EPHB6: variants seen among roughly 807,000 people sequenced by gnomAD.
The protein encoded by EPHB6 is EPH receptor B6, also known as ephrin type-B receptor 6.
In EPHB6, 51 loss-of-function variants were observed where a neutral mutation model predicts 107.0. The ratio of observed to expected loss-of-function variants is 0.48; its 90% CI spans 0.38 to 0.60. The LOEUF (loss-of-function observed/expected upper bound fraction) is 0.60, where lower values mean the gene tolerates loss of function less well. EPHB6 is among the 20% of genes least tolerant of loss of function. EPHB6 has a pLI of 0.00. For synonymous variants in EPHB6, 553 were observed against 549.0 expected (o/e 1.01, Z -0.10); for missense variants, 1,141 against 1,355.5 (o/e 0.84, Z 2.48).
At chr7:142,864,971 C>A (rs1243337617) in intron 7 of EPHB6, among the ~76,000 whole-genome samples, 1 of 152,246 alleles carries the variant, frequency 6.6e-6, no homozygotes, top group African/African-American at 2.4e-5. Flanking sequence ...CCTTTCACAG[C>A]AATTGCCTTC....
In EPHB6 at chr7:142,868,288, T is replaced by C. The variant is rs1794715033; in HGVS notation, c.1966T>C (p.Cys656Arg). 3 of 1,614,040 alleles carry C rather than the reference T, an allele frequency of 1.9e-6. No homozygotes were observed. Among genetic ancestry groups the C allele is most frequent in the African/African-American group, 2.7e-5 (2 of 74,912 alleles). ...CGACCCCTCCACCTACGAGGACCCC[T>C]GTCAGGCCATCCGAGAACTTGCCCG... ...YIDPSTYEDP[C>R]QAIRELAREV... Residue 656 changes from cysteine to arginine, a missense_variant, in exon 14 of 20, where the codon TGT becomes CGT. By Grantham distance (180) the Cys-to-Arg change is radical. Transcript: ENST00000652003. The surrounding 1 kb of genome is among the most constrained non-coding windows in gnomAD (Gnocchi z 4.2).
rs753861858 is a variant in EPHB6, at chr7:142,868,761, GA to G, written c.2286+23del. On this transcript the variant is annotated intron_variant, in intron 15 of 19. Coordinates refer to ENST00000652003, the MANE Select transcript of EPHB6 (RefSeq NM_004445.6). The surrounding 1 kb of genome is among the most constrained non-coding windows in gnomAD (Gnocchi z 4.2). Reference sequence around the variant, plus strand: ...CAGGGTCAGTCCAGCCTGGGTGAAGGAGGAGGGTCCTTGGGTCCAGGAAAGC... The same window carrying G: ...CAGGGTCAGTCCAGCCTGGGTGAAGGGGAGGGTCCTTGGGTCCAGGAAAGC... 113 of 1,613,620 alleles carry G rather than the reference GA, an allele frequency of 7.0e-5. No individual in the cohort carries two copies. Among genetic ancestry groups the G allele is most frequent in the Non-Finnish European group, 9.3e-5 (110 of 1,180,020 alleles).
In EPHB6 at chr7:142,870,100, C is replaced by T. The variant is rs183586766; in HGVS notation, c.2611-114C>T. The T allele has an allele frequency of 2.4e-4, 373 of 1,578,764 alleles. 2 individuals carry two copies. The African/African-American group carries it at 3.2e-3, about 14-fold the overall frequency. ...GTTGGATTGCCATATCTTTGAGTTC[C>T]TTCTCCACTCCAACCTCATGCTCCA... On this transcript the variant is annotated intron_variant, in intron 17 of 19. Transcript: ENST00000652003.
In EPHB6 at chr7:142,867,105, G is replaced by A; in HGVS notation, c.1750+37G>A. The A allele has an allele frequency of 6.2e-7, 1 of 1,604,270 alleles. No individual in the cohort carries two copies. The highest frequency in any genetic ancestry group is 8.5e-7 in the Non-Finnish European group (1 of 1,177,428). ...TCAAGGGCCAGATGGGCAGGTGAAG[G>A]CCCAAGTGGGTAGTGAGGAGAGGCC... On this transcript the variant is annotated intron_variant, in intron 11 of 19. Coordinates refer to ENST00000652003, the MANE Select transcript of EPHB6 (RefSeq NM_004445.6). This position sits in a 1 kb window ranked among gnomAD's most constrained non-coding sequence, Gnocchi z 5.3.
In EPHB6 at chr7:142,866,050, G is replaced by A; in HGVS notation, c.1196G>A (p.Arg399Gln). The change falls in exon 9 of 20, where the codon CGA becomes CAA. Residue 399 changes from arginine to glutamine, a missense_variant. Arg to Gln is a conservative substitution (Grantham distance 43). Around this residue, in one of 3 missense-constraint regions of EPHB6, gnomAD observed 304 missense variants for 295.7 expected, o/e 1.03. Transcript: ENST00000652003. This position sits in a 1 kb window ranked among gnomAD's most constrained non-coding sequence, Gnocchi z 5.2. The part of the protein sequence containing the change: ...HWRLPRELGG[R>Q]GDLLFNVVCK... ...CGCCTGCCTCGGGAGCTGGGGGGTC[G>A]AGGGGACCTGCTCTTCAATGTCGTG... 3 of 1,612,046 alleles carry A rather than the reference G, an allele frequency of 1.9e-6. No individual in the cohort carries two copies. Among genetic ancestry groups the A allele is most frequent in the Non-Finnish European group, 1.7e-6 (2 of 1,179,034 alleles).
rs545614656 is a variant in EPHB6, at chr7:142,869,154, GCACAGCCTTGGGGA to G, written c.2460+16_2460+29del. 406 of 1,611,740 alleles carry G rather than the reference GCACAGCCTTGGGGA, an allele frequency of 2.5e-4. 1 individual carries two copies. The highest frequency in any genetic ancestry group is 1.8e-3 in the African/African-American group (135 of 75,028). ...TCTTGGCCACAGTCCTCAGGTGAGA[GCACAGCCTTGGGGA>G]CACAGCCTGGGGCCTTGTGGCATGC... is the stretch of plus-strand genomic sequence containing the variant. On this transcript the variant is annotated splice_region_variant and intron_variant, in intron 16 of 19. Transcript: ENST00000652003. The surrounding 1 kb of genome is among the most constrained non-coding windows in gnomAD (Gnocchi z 4.5).
At position 142,867,533 on chromosome 7, in the gene EPHB6, G is replaced by A. The variant is rs1794668732; in HGVS notation, c.1751-75G>A. 3.2e-6 allele frequency: 4 copies of A among 1,261,452 alleles called. No homozygotes were observed. The highest frequency in any genetic ancestry group is 4.5e-6 in the Non-Finnish European group (4 of 882,452). 78.1% of individuals were successfully genotyped at this position (1,261,452 alleles called of 1,614,324 possible). On this transcript the variant is annotated intron_variant, in intron 11 of 19. Transcript: ENST00000652003. The surrounding 1 kb of genome is among the most constrained non-coding windows in gnomAD (Gnocchi z 5.3). ...CATGTTGTGTGTGCCTGTGGTGTGT[G>A]TGGGTGCCTGGGCACATGAACAAGC...
Position 142,869,837 on chromosome 7 carries a change from C to T in EPHB6, c.2481C>T (p.Arg827=), listed in dbSNP as rs375989044. The T allele has an allele frequency of 6.4e-5, 103 of 1,614,086 alleles. No homozygotes were observed. The highest frequency in any genetic ancestry group is 8.6e-5 in the Non-Finnish European group (101 of 1,180,048). ...CTCAGGGCCCAAGTTGTTTGCTTCG[C>T]TGGGCAGCCCCAGAGGTCATTGCAC... The part of the protein sequence containing the change: ...HSPQGPSCLL[R]WAAPEVIAHG... The change falls in exon 17 of 20, where the codon CGC becomes CGT. Residue 827 remains arginine, a synonymous_variant. Transcript: ENST00000652003. The surrounding 1 kb of genome is among the most constrained non-coding windows in gnomAD (Gnocchi z 4.5).
At chr7:142,856,790 G>T (rs1049214541) in intron 1 of EPHB6, among the ~76,000 whole-genome samples, 1 of 152,166 alleles carries the variant, frequency 6.6e-6, no homozygotes, top group Non-Finnish European at 1.5e-5. Context: ...AGGTGAGGAA[G>T]AAGGGCCCAT....
At position 142,866,762 on chromosome 7, in the gene EPHB6, T is replaced by G. The variant is rs8177151; in HGVS notation, c.1588-144T>G. The G allele has an allele frequency of 9.2e-4, 1,452 of 1,578,012 alleles. 13 individuals carry two copies. The African/African-American group carries it at 0.017, about 18-fold the overall frequency. On this transcript the variant is annotated intron_variant, in intron 10 of 19. Transcript: ENST00000652003. This position sits in a 1 kb window ranked among gnomAD's most constrained non-coding sequence, Gnocchi z 5.2. ...CCCACAGTAGGGGCCAGAGGCTGAATGGGCAAGGAGAGGTGCCCAGAAGTG... is the reference window on the plus strand; with the variant it reads ...CCCACAGTAGGGGCCAGAGGCTGAAGGGGCAAGGAGAGGTGCCCAGAAGTG...
In EPHB6 at chr7:142,866,592, G is replaced by T; in HGVS notation, c.1574G>T (p.Arg525Leu). 6 of 1,614,036 alleles carry T rather than the reference G, an allele frequency of 3.7e-6. No homozygotes were observed. Among genetic ancestry groups the T allele is most frequent in the Non-Finnish European group, 5.1e-6 (6 of 1,180,026 alleles). ...GGGAACATCCTGGACTATCAGCTCC[G>T]CTACTATGACCAGGTGCGCAGGAGG... ...TNGNILDYQL[R>L]YYDQAEDESH... Residue 525 changes from arginine to leucine, a missense_variant, in exon 10 of 20, where the codon CGC becomes CTC. By Grantham distance (102) the Arg-to-Leu change is moderately radical (BLOSUM62 -2). This residue lies in a region of EPHB6 where 616 missense variants were observed against 759.3 expected (regional missense o/e 0.81). Coordinates refer to ENST00000652003, the MANE Select transcript of EPHB6 (RefSeq NM_004445.6). This position sits in a 1 kb window ranked among gnomAD's most constrained non-coding sequence, Gnocchi z 5.2.
rs763284143 is a variant in EPHB6 at position 142,870,314 on chromosome 7, C to T, written c.2711C>T (p.Ala904Val). The change falls in exon 18 of 20, where the codon GCC (alanine) becomes GTC (valine). Residue 904 changes from alanine (A) to valine (V), a missense_variant. Ala to Val is a moderately conservative substitution (Grantham distance 64, BLOSUM62 0). Transcript: ENST00000652003. ...LMLDTWQKDRARRPHFDQLVA... is the reference protein window; with the variant it reads ...LMLDTWQKDRVRRPHFDQLVA... ...TTGGACACTTGGCAGAAGGACCGTGCCCGGCGGCCTCATTTTGACCAGCTG... is the reference window on the plus strand; with the variant it reads ...TTGGACACTTGGCAGAAGGACCGTGTCCGGCGGCCTCATTTTGACCAGCTG... 2 of 1,614,206 alleles carry T rather than the reference C, an allele frequency of 1.2e-6. No individual in the cohort carries two copies. The highest frequency in any genetic ancestry group is 1.7e-6 in the Non-Finnish European group (2 of 1,180,040).
intron 18 of EPHB6, 50 bp downstream of exon 18, chr7:142,870,457 A>T (rs752596902): frequency 6.2e-7 from 1 of 1,613,884 alleles, no homozygotes; most frequent in Admixed American, 1.7e-5. Context: ...GGTAGATGCA[A>T]ACCTAAAGAA....
At chr7:142,858,700 C>T (rs1017548563) in intron 1 of EPHB6, among the ~76,000 whole-genome samples, 1 of 150,916 alleles carries the variant, frequency 6.6e-6, no homozygotes, top group Admixed American at 6.6e-5. Context: ...CCCACCTTGG[C>T]CTCCCAAAGT....
chr7:142,863,794 T>C, intron 6 of EPHB6, 99 bp downstream of exon 6: 2 of 1,502,556 alleles, frequency 1.3e-6, no homozygotes, highest in South Asian at 2.3e-5. Flanking sequence ...GTGAGGATTA[T>C]GGGAAAAGGA....
chr7:142,864,347 G>A lies in EPHB6; in HGVS notation c.547G>A (p.Gly183Arg), dbSNP rs764313153. The change falls in exon 7 of 20, where the codon GGA becomes AGA. Residue 183 changes from glycine (G) to arginine (R), a missense_variant. By Grantham distance (125) the Gly-to-Arg change is moderately radical. This residue lies in a region of EPHB6 where 221 missense variants were observed against 300.5 expected (regional missense o/e 0.74). Coordinates refer to ENST00000652003, the MANE Select transcript of EPHB6 (RefSeq NM_004445.6). ...SSSSSAAWAV[G>R]PHGAGQRAGL... ...TTCTTCCTCTGCAGCGTGGGCTGTG[G>A]GACCCCACGGGGCTGGGCAGCGGGC... 2 of 1,613,380 alleles carry A rather than the reference G, an allele frequency of 1.2e-6. No individual in the cohort carries two copies. Among genetic ancestry groups the A allele is most frequent in the Non-Finnish European group, 1.7e-6 (2 of 1,180,030 alleles).
Position 142,870,328 on chromosome 7 carries a change from T to G in EPHB6, c.2725T>G (p.Phe909Val), listed in dbSNP as rs753833583. The G allele has an allele frequency of 2.2e-5, 35 of 1,614,088 alleles. No homozygotes were observed. In the Admixed American group the frequency reaches 3.2e-4, roughly 15 times the overall value. The stretch of plus-strand genomic sequence containing the variant: ...GAAGGACCGTGCCCGGCGGCCTCAT[T>G]TTGACCAGCTGGTGGCTGCATTTGA... ...WQKDRARRPH[F>V]DQLVAAFDKM... The change falls in exon 18 of 20, where the codon TTT (phenylalanine) becomes GTT (valine). Residue 909 changes from phenylalanine to valine, a missense_variant. This residue lies in a region of EPHB6 where 616 missense variants were observed against 759.3 expected (regional missense o/e 0.81). Transcript: ENST00000652003.
At position 142,866,453 on chromosome 7, in the gene EPHB6, C is replaced by G; in HGVS notation, c.1463-28C>G. 1.2e-6 allele frequency: 2 copies of G among 1,613,900 alleles called. No homozygotes were observed. Among genetic ancestry groups the G allele is most frequent in the Non-Finnish European group, 1.7e-6 (2 of 1,179,994 alleles). ...ATCCTGCTCCCAGGGACTCCTATCC[C>G]CATAATAATTTTCCTTTTGCACTCT... On this transcript the variant is annotated intron_variant, in intron 9 of 19. Transcript: ENST00000652003. This position sits in a 1 kb window ranked among gnomAD's most constrained non-coding sequence, Gnocchi z 5.2.
rs144516677 is a variant in EPHB6, at chr7:142,869,340, G to A, written c.2460+193G>A. Among the ~76,000 whole-genome samples, 3 of 152,238 alleles carry A rather than the reference G, an allele frequency of 2.0e-5. No homozygotes were observed. Among genetic ancestry groups the A allele is most frequent in the Admixed American group, 6.5e-5 (1 of 15,306 alleles). Reference sequence around the variant, plus strand: ...CGGGGTTTGAGGGATTTCAGGGACCGAGACAAAGGGGATGAGGGAGGGGAG... The same window carrying A: ...CGGGGTTTGAGGGATTTCAGGGACCAAGACAAAGGGGATGAGGGAGGGGAG... On this transcript the variant is annotated intron_variant, in intron 16 of 19. Coordinates refer to ENST00000652003, the MANE Select transcript of EPHB6 (RefSeq NM_004445.6). This position sits in a 1 kb window ranked among gnomAD's most constrained non-coding sequence, Gnocchi z 4.5.
Sources: allele counts gnomAD v4.1 joint callset (sites outside exome capture counted in the v4.1 genomes callset), GRCh38; gene constraint gnomAD v4.1.1; regional missense constraint gnomAD v4.1.1; non-coding constraint Gnocchi (gnomAD v3.1); transcripts MANE v1.5; gene names NCBI Gene and HGNC (gene_info 2026-07-23, HGNC 2026-07-21).